The following WDR27 variants were observed in gnomAD, a reference collection of about 807,000 sequenced individuals.
The protein encoded by WDR27 is WD repeat domain 27.
In WDR27, 100 loss-of-function variants were observed where a neutral mutation model predicts 114.4. The observed-to-expected ratio is 0.87, with a 90% confidence interval of 0.74 to 1.03. The LOEUF is 1.03. Ranked by LOEUF, WDR27 falls within the 50% of genes least tolerant of loss-of-function variation. The pLI is 0.00. For missense variants in WDR27, 1,129 were observed against 1,092.9 expected (o/e 1.03, Z -0.47); for synonymous variants, 449 against 423.1 (o/e 1.06, Z -0.75).
rs528067880 is a variant in WDR27, at chr6:169,692,743, A to G, written c.-7-3731T>C. On this transcript the variant is annotated intron_variant, in intron 1 of 25. Coordinates refer to ENST00000448612, the MANE Select transcript of WDR27 (RefSeq NM_182552.5). Reference sequence around the variant, plus strand: ...GGAACATAACTCCATTGGCCCAAGAACCACTCCCACGTCTCCCACAGCAGC... The same window carrying G: ...GGAACATAACTCCATTGGCCCAAGAGCCACTCCCACGTCTCCCACAGCAGC... Among the ~76,000 whole-genome samples the G allele has an allele frequency of 4.6e-5, 7 of 152,216 alleles. No homozygotes were observed. The South Asian group carries it at 1.5e-3, about 32-fold the overall frequency.
At chr6:169,515,357 T>C (rs1793501622) in intron 25 of WDR27, among the ~76,000 whole-genome samples, 1 of 152,190 alleles carries the variant, frequency 6.6e-6, no homozygotes, top group Non-Finnish European at 1.5e-5. Flanking sequence ...TGTGTGCCTT[T>C]AAAATTAAAA....
chr6:169,533,301 G>C (rs1193912312), intron 25 of WDR27, among the ~76,000 whole-genome samples: 4 of 151,952 alleles, frequency 2.6e-5, no homozygotes, highest in Non-Finnish European at 4.4e-5. Flanking sequence ...AGGAAAATTG[G>C]GGGGGGCGGG....
intron 25 of WDR27, among the ~76,000 whole-genome samples, chr6:169,521,583 A>G (rs978956211): frequency 6.6e-5 from 10 of 152,096 alleles, no homozygotes; most frequent in African/African-American, 9.7e-5. Context: ...TTCAAAAACA[A>G]TAATAGCTAC....
At chr6:169,522,448 C>A (rs1459040042) in intron 25 of WDR27, among the ~76,000 whole-genome samples, 1 of 151,956 alleles carries the variant, frequency 6.6e-6, no homozygotes, top group African/African-American at 2.4e-5. Context: ...TGGAGTTAAG[C>A]TACACCCTTG....
At chr6:169,427,435 C>T in the WDR27 span, among the ~76,000 whole-genome samples, 14 of 118,578 alleles carry the variant, frequency 1.2e-4, no homozygotes, top group African/African-American at 3.3e-4. Context: ...CGCCTAGGAC[C>T]GTGGGCCCCC....
intron 21 of WDR27, among the ~76,000 whole-genome samples, chr6:169,620,022 C>T (rs1465276828): frequency 6.6e-6 from 1 of 152,106 alleles, no homozygotes; most frequent in Non-Finnish European, 1.5e-5. Context: ...ATGCCAGAGC[C>T]AGGTTGGAAA....
intron 25 of WDR27, among the ~76,000 whole-genome samples, chr6:169,532,801 C>T (rs73792904): frequency 0.016 from 2,464 of 150,904 alleles, 63 homozygotes; most frequent in African/African-American, 0.057. Flanking sequence ...TTAATCTAGA[C>T]CCCAAAAACA....
intron 21 of WDR27, among the ~76,000 whole-genome samples, chr6:169,618,248 T>C (rs1193434278): frequency 6.6e-6 from 1 of 152,200 alleles, no homozygotes; most frequent in Non-Finnish European, 1.5e-5. Context: ...GTTTAAACTT[T>C]TACACATTGT....
chr6:169,582,939 A>G lies in WDR27; in HGVS notation c.2425-5T>C, dbSNP rs755148490. On this transcript the variant is annotated splice_region_variant and splice_polypyrimidine_tract_variant and intron_variant, in intron 23 of 25. Transcript: ENST00000448612. ...GCCCATTTCATACACGTAAGCCTAC[A>G]AGACAAGATGAGCAGGTGTGCCATG... The G allele has an allele frequency of 1.9e-6, 3 of 1,613,606 alleles. No homozygotes were observed. The highest frequency in any genetic ancestry group is 2.5e-6 in the Non-Finnish European group (3 of 1,179,700).
intron 25 of WDR27, among the ~76,000 whole-genome samples, chr6:169,463,898 C>A (rs1340951957): frequency 6.6e-6 from 1 of 152,118 alleles, no homozygotes; most frequent in Non-Finnish European, 1.5e-5. Flanking sequence ...GAAAGACATT[C>A]ATTAAAACAC....
chr6:169,670,368 T>C (rs1228894875), intron 4 of WDR27: 1 of 483,128 alleles, frequency 2.1e-6, no homozygotes, highest in Non-Finnish European at 3.5e-6. Flanking sequence ...TTAATATTTA[T>C]ATAAATATTG....
At chr6:169,685,816 G>T (rs969217964) in intron 2 of WDR27, among the ~76,000 whole-genome samples, 72 of 152,196 alleles carry the variant, frequency 4.7e-4, no homozygotes, top group Non-Finnish European at 1.5e-4. Context: ...AACGTCTCAA[G>T]TCTTGGGAAA....
chr6:169,612,880 A>T (rs1810915829), intron 22 of WDR27, among the ~76,000 whole-genome samples: 1 of 152,208 alleles, frequency 6.6e-6, no homozygotes, highest in African/African-American at 2.4e-5. Context: ...TTGCTCATAC[A>T]GATTCTCATC....
At chr6:169,549,072 A>T (rs964310637) in intron 25 of WDR27, among the ~76,000 whole-genome samples, 3 of 152,262 alleles carry the variant, frequency 2.0e-5, no homozygotes, top group Admixed American at 6.5e-5. Context: ...ACTGGAATTA[A>T]AAACTTCTCT....
chr6:169,701,746 T>A lies in WDR27; in HGVS notation c.-203A>T, dbSNP rs1349582745. The A allele has an allele frequency of 1.0e-4, 24 of 235,950 alleles. No individual in the cohort carries two copies. The highest frequency in any genetic ancestry group is 1.4e-4 in the Non-Finnish European group (16 of 117,920). The allele number at this position is 235,950 out of a possible 1,614,324, so 14.6% of individuals were successfully genotyped here. On this transcript the variant is annotated 5_prime_UTR_variant, in exon 1 of 26. Coordinates refer to ENST00000448612, the MANE Select transcript of WDR27 (RefSeq NM_182552.5). ...GGTCCAGAGCGCGCGTGTCCGCCGTTGGAAGCGGTCACGGCGGAACCCTCA... is the reference window on the plus strand; with the variant it reads ...GGTCCAGAGCGCGCGTGTCCGCCGTAGGAAGCGGTCACGGCGGAACCCTCA...
At chr6:169,429,153 G>A in the WDR27 span, among the ~76,000 whole-genome samples, 1 of 152,158 alleles carries the variant, frequency 6.6e-6, no homozygotes, top group African/African-American at 2.4e-5. Flanking sequence ...CGAGGCTCGT[G>A]TTCTCTGTGG....
intron 25 of WDR27, among the ~76,000 whole-genome samples, chr6:169,571,859 C>A (rs1030255399): frequency 1.3e-5 from 2 of 152,058 alleles, no homozygotes; most frequent in African/African-American, 2.4e-5. Flanking sequence ...CAAAAAACTA[C>A]AACACACACC....
intron 24 of WDR27, among the ~76,000 whole-genome samples, chr6:169,573,812 C>A (rs192201262): frequency 1.2e-4 from 19 of 152,334 alleles, no homozygotes; most frequent in African/African-American, 3.6e-4. Flanking sequence ...GCTCCCTCTG[C>A]AGCCCACACT....
At position 169,602,453 on chromosome 6, in the gene WDR27, G is replaced by A. The variant is rs531374259; in HGVS notation, c.2322-132C>T. 9 of 602,994 alleles carry A rather than the reference G, an allele frequency of 1.5e-5. No individual in the cohort carries two copies. The South Asian group carries it at 2.1e-4, about 14-fold the overall frequency. The allele number at this position is 602,994 out of a possible 1,614,324, so 37.4% of individuals were successfully genotyped here. On this transcript the variant is annotated intron_variant, in intron 22 of 25. Transcript: ENST00000448612. Reference sequence around the variant, plus strand: ...AATAATGAAAGAATATTTTATATGTGAGAATTATTAAATGGTTAATGGGTC... The same window carrying A: ...AATAATGAAAGAATATTTTATATGTAAGAATTATTAAATGGTTAATGGGTC...
Sources: allele counts gnomAD v4.1 joint callset (sites outside exome capture counted in the v4.1 genomes callset), GRCh38; gene constraint gnomAD v4.1.1; transcripts MANE v1.5; gene names NCBI Gene and HGNC (gene_info 2026-07-23, HGNC 2026-07-21).